PDE1C: variants seen among roughly 807,000 people sequenced by gnomAD.
PDE1C encodes the protein phosphodiesterase 1C.
A neutral mutation model predicts 93.1 loss-of-function variants in PDE1C; 62 were observed. That is an observed-to-expected ratio of 0.67 (90% CI 0.54 to 0.82). The LOEUF is 0.82. Among genes scored for constraint, PDE1C ranks in the 40% least tolerant of loss-of-function variants. The pLI, the probability that PDE1C is intolerant of heterozygous loss-of-function variation, is 0.00. For missense variants in PDE1C, 742 were observed against 884.6 expected (o/e 0.84, Z 2.04); for synonymous variants, 325 against 310.1 (o/e 1.05, Z -0.50).
At chr7:31,934,414 T>A (rs1035147586) in intron 2 of PDE1C, among the ~76,000 whole-genome samples, 1 of 152,208 alleles carries the variant, frequency 6.6e-6, no homozygotes, top group Non-Finnish European at 1.5e-5. Context: ...ACGATATTAA[T>A]GTAATCCTTG....
intron 1 of PDE1C, among the ~76,000 whole-genome samples, chr7:32,260,075 C>T (rs1288785106): frequency 3.9e-5 from 6 of 152,218 alleles, no homozygotes; most frequent in Non-Finnish European, 1.5e-5. Context: ...CTACGAGGCT[C>T]TTCCTGTTTC....
At chr7:31,642,633 C>T in the PDE1C span, 3 of 1,531,090 alleles carry the variant, frequency 2.0e-6, no homozygotes, top group African/African-American at 1.4e-5. Context: ...AAACCTATTG[C>T]CTCCTCCACT....
intron 3 of PDE1C, among the ~76,000 whole-genome samples, chr7:32,124,147 A>G (rs1004065612): frequency 6.6e-6 from 1 of 152,186 alleles, no homozygotes; most frequent in Non-Finnish European, 1.5e-5. Context: ...ACAGCTAACA[A>G]GGGACATGGA....
At chr7:32,073,610 A>G (rs1406402660), upstream of PDE1C, among the ~76,000 whole-genome samples, 2 of 152,146 alleles carry the variant, frequency 1.3e-5, no homozygotes, top group African/African-American at 4.8e-5. Context: ...CCAAAATACC[A>G]CAAAACAACT....
intron 2 of PDE1C, among the ~76,000 whole-genome samples, chr7:32,014,062 G>A (rs980664660): frequency 2.0e-5 from 3 of 152,220 alleles, no homozygotes; most frequent in Non-Finnish European, 2.9e-5. Context: ...CATAGACCAC[G>A]TGGGTGGCCC....
the PDE1C span, among the ~76,000 whole-genome samples, chr7:31,687,983 T>A: frequency 6.6e-6 from 1 of 152,174 alleles, no homozygotes; most frequent in Non-Finnish European, 1.5e-5. Flanking sequence ...AATGGGTTGG[T>A]TTTTGTCTTG....
intron 16 of PDE1C, among the ~76,000 whole-genome samples, chr7:31,803,398 T>TC (rs200287697): frequency 0.025 from 3,831 of 150,302 alleles, 63 homozygotes; most frequent in African/African-American, 0.042. Flanking sequence ...GGCTTTTTCT[T>TC]TTTATTATTA....
At chr7:31,763,869 G>T (rs141068895) in intron 17 of PDE1C, among the ~76,000 whole-genome samples, 120 of 152,034 alleles carry the variant, frequency 7.9e-4, no homozygotes, top group African/African-American at 2.7e-3. Flanking sequence ...ACAATGAAGA[G>T]ATTAACTTAA....
intron 3 of PDE1C, among the ~76,000 whole-genome samples, chr7:32,095,584 T>C (rs957018725): frequency 1.3e-5 from 2 of 152,212 alleles, no homozygotes; most frequent in African/African-American, 2.4e-5. Flanking sequence ...ACGGTTCTTA[T>C]TATATTTCTC....
the PDE1C span, among the ~76,000 whole-genome samples, chr7:31,745,427 T>C: frequency 6.6e-6 from 1 of 152,202 alleles, no homozygotes; most frequent in South Asian, 2.1e-4. Flanking sequence ...GGATGGTCCC[T>C]GCTCTCCAGG....
chr7:31,733,605 G>A, the PDE1C span, among the ~76,000 whole-genome samples: 151,189 of 152,336 alleles, frequency 0.99, 75,031 homozygotes, highest in East Asian at 1. Context: ...TATTCCTGCT[G>A]CCTGGAATGC....
At chr7:31,618,886 C>G in the PDE1C span, among the ~76,000 whole-genome samples, 1 of 152,138 alleles carries the variant, frequency 6.6e-6, no homozygotes, top group African/African-American at 2.4e-5. Flanking sequence ...TTGTTGTGCA[C>G]ATTGCATGTT....
chr7:31,752,864 C>T lies in PDE1C; in HGVS notation c.*520G>A, dbSNP rs1436268914. The T allele has an allele frequency of 6.6e-6, 1 of 152,112 alleles. No homozygotes were observed. Among genetic ancestry groups the T allele is most frequent in the East Asian group, 1.9e-4 (1 of 5,192 alleles). 9.4% of individuals were successfully genotyped at this position (152,112 alleles called of 1,614,324 possible). Reference sequence around the variant, plus strand: ...AATATTTTTACATTCAGAAGCACAACTTCTGTTTTGAATACATTTACTTTG... The same window carrying T: ...AATATTTTTACATTCAGAAGCACAATTTCTGTTTTGAATACATTTACTTTG... On this transcript the variant is annotated 3_prime_UTR_variant, in exon 18 of 18. Transcript: ENST00000396191.
the PDE1C span, among the ~76,000 whole-genome samples, chr7:31,674,833 T>A: frequency 6.6e-6 from 1 of 152,188 alleles, no homozygotes; most frequent in African/African-American, 2.4e-5. Context: ...TAGATGTAGT[T>A]GACTGATGTT....
At chr7:31,865,130 A>G in intron 6 of PDE1C, 48 bp from the exon 7 acceptor site, 1 of 1,605,656 alleles carries the variant, frequency 6.2e-7, no homozygotes, top group Middle Eastern at 1.7e-4. Flanking sequence ...CACTGCTTTC[A>G]ATGGAGACAC....
chr7:31,628,607 G>A, the PDE1C span, among the ~76,000 whole-genome samples: 17 of 151,916 alleles, frequency 1.1e-4, no homozygotes, highest in Admixed American at 6.6e-5. Context: ...ACAGGCGCCC[G>A]CCACCACGCC....
At chr7:32,325,535 C>T in intron 1 of PDE1C, among the ~76,000 whole-genome samples, 1 of 151,304 alleles carries the variant, frequency 6.6e-6, no homozygotes, top group East Asian at 1.9e-4. Flanking sequence ...TCTACGTTTT[C>T]CCCTGACACT....
At chr7:31,791,777 TG>T (rs1784622219) in intron 16 of PDE1C, among the ~76,000 whole-genome samples, 1 of 152,080 alleles carries the variant, frequency 6.6e-6, no homozygotes, top group Admixed American at 6.6e-5. Flanking sequence ...AGGAGAATGA[TG>T]CACCTCCTGC....
chr7:32,079,185 A>C (rs958274524), intron 3 of PDE1C, among the ~76,000 whole-genome samples: 3 of 152,234 alleles, frequency 2.0e-5, no homozygotes, highest in African/African-American at 7.2e-5. Context: ...CATTCGTTCA[A>C]CAAACATTGG....
Sources: gnomAD v4.1 joint callset for allele counts (sites outside exome capture counted in the v4.1 genomes callset) on GRCh38, gnomAD v4.1.1 for gene constraint, MANE v1.5 for transcripts, NCBI Gene and HGNC (gene_info 2026-07-23, HGNC 2026-07-21) for gene names.